The following LDB2 variants were observed in gnomAD, a reference collection of about 807,000 sequenced individuals.
LDB2 encodes the protein LIM domain binding 2.
Under a neutral mutation model 44.3 loss-of-function variants are expected in LDB2, and 12 were observed. That is an observed-to-expected ratio of 0.27 (90% CI 0.17 to 0.44). The LOEUF (loss-of-function observed/expected upper bound fraction) is 0.44. LDB2 is among the 20% of genes least tolerant of loss of function. LDB2 has a pLI of 1.00. For missense variants in LDB2, 344 were observed against 473.5 expected (o/e 0.73, Z 2.54); for synonymous variants, 164 against 174.8 (o/e 0.94, Z 0.49).
chr4:16,716,241 T>C lies in LDB2; in HGVS notation c.235+42917A>G, dbSNP rs534471479. On this transcript the variant is annotated intron_variant, in intron 2 of 7. Coordinates refer to ENST00000304523, the MANE Select transcript of LDB2 (RefSeq NM_001290.5). ...GCTCAGGCTGTCCTGCAACAATGCT[T>C]CTTGCTTCTCAGTATAGTGGGCCTT... Among the ~76,000 whole-genome samples, 3 of 152,308 alleles carry C rather than the reference T, an allele frequency of 2.0e-5. No homozygotes were observed. In the East Asian group the frequency reaches 5.8e-4, roughly 29 times the overall value.
At chr4:16,746,852 A>G (rs1272026269) in intron 2 of LDB2, among the ~76,000 whole-genome samples, 2 of 152,200 alleles carry the variant, frequency 1.3e-5, no homozygotes, top group Non-Finnish European at 2.9e-5. Flanking sequence ...ATGCATTCCT[A>G]ATTTCCGGGG....
At chr4:16,680,255 T>C (rs1747472385) in intron 2 of LDB2, among the ~76,000 whole-genome samples, 1 of 152,232 alleles carries the variant, frequency 6.6e-6, no homozygotes. Context: ...TGAAGAATAT[T>C]TTTCAGTTGT....
chr4:16,863,093 A>G (rs1287898364), intron 1 of LDB2, among the ~76,000 whole-genome samples: 3 of 152,218 alleles, frequency 2.0e-5, no homozygotes, highest in African/African-American at 7.2e-5. Context: ...TTGCTTTATT[A>G]GTTAAGTGAA....
At chr4:16,662,647 T>G (rs6854505) in intron 2 of LDB2, among the ~76,000 whole-genome samples, 4,761 of 152,134 alleles carry the variant, frequency 0.031, 97 homozygotes, top group Non-Finnish European at 0.045. Flanking sequence ...TTTTTTTTTT[T>G]GGGTGTGTGC....
rs377027889 is a variant in LDB2 at position 16,819,700 on chromosome 4, C to T, written c.133-60440G>A. ...AAACACAAGTGTGAGCAATATCATA[C>T]ATTGCTAAATTAACTCAGAGGATAC... On this transcript the variant is annotated intron_variant, in intron 1 of 7. Transcript: ENST00000304523. 9.9e-5 allele frequency among the ~76,000 whole-genome samples: 15 copies of T among 152,184 alleles called. No homozygotes were observed. The East Asian group carries it at 2.9e-3, about 29-fold the overall frequency.
chr4:16,826,582 C>T (rs995571534), intron 1 of LDB2: 2 of 152,182 alleles, frequency 1.3e-5, no homozygotes, highest in African/African-American at 2.4e-5. Flanking sequence ...CTTTCTGCCT[C>T]ACTCTGGTGA....
At chr4:16,771,870 G>A (rs892170782) in intron 1 of LDB2, among the ~76,000 whole-genome samples, 8 of 152,194 alleles carry the variant, frequency 5.3e-5, no homozygotes, top group African/African-American at 1.9e-4. Flanking sequence ...GAAGCCTGGA[G>A]GATCTTTTAA....
chr4:16,595,646 T>A, intron 3 of LDB2, 57 bp downstream of exon 3: 2 of 1,501,056 alleles, frequency 1.3e-6, no homozygotes, highest in South Asian at 2.5e-5. Flanking sequence ...ATAATTATTA[T>A]TCTTTAATGC....
chr4:16,565,981 T>TAC (rs891728829), intron 5 of LDB2, among the ~76,000 whole-genome samples: 1 of 151,668 alleles, frequency 6.6e-6, no homozygotes, highest in Non-Finnish European at 1.5e-5. Flanking sequence ...TACACACATA[T>TAC]ACACACACAC....
At chr4:16,809,882 G>GA (rs1318699186) in intron 1 of LDB2, among the ~76,000 whole-genome samples, 1 of 152,190 alleles carries the variant, frequency 6.6e-6, no homozygotes, top group African/African-American at 2.4e-5. Flanking sequence ...GGATTTATAA[G>GA]AAATCTACAG....
chr4:16,879,836 AC>A (rs1719529368), intron 1 of LDB2, among the ~76,000 whole-genome samples: 1 of 152,152 alleles, frequency 6.6e-6, no homozygotes, highest in African/African-American at 2.4e-5. Context: ...TACCCTAGAA[AC>A]AGGAAGCCAA....
intron 1 of LDB2, among the ~76,000 whole-genome samples, chr4:16,828,174 G>A (rs1190503494): frequency 6.6e-6 from 1 of 152,144 alleles, no homozygotes; most frequent in African/African-American, 2.4e-5. Context: ...CTGTTAGCAG[G>A]ATGTAAGTGG....
intron 2 of LDB2, among the ~76,000 whole-genome samples, chr4:16,631,185 T>C (rs1487367668): frequency 6.6e-6 from 1 of 152,080 alleles, no homozygotes; most frequent in African/African-American, 2.4e-5. Context: ...TAATTGGAAA[T>C]AAAACACTCC....
intron 1 of LDB2, among the ~76,000 whole-genome samples, chr4:16,769,516 G>A (rs1260876883): frequency 3.3e-5 from 5 of 151,360 alleles, no homozygotes; most frequent in East Asian, 1.9e-4. Context: ...GGCTTCTCTC[G>A]AACTCCTGAC....
At chr4:16,866,626 A>T (rs1328834606) in intron 1 of LDB2, among the ~76,000 whole-genome samples, 2 of 152,214 alleles carry the variant, frequency 1.3e-5, no homozygotes, top group African/African-American at 2.4e-5. Context: ...GCTTTTCCCA[A>T]TGCATTATGT....
At position 16,813,837 on chromosome 4, in the gene LDB2, G is replaced by C. The variant is rs545295551; in HGVS notation, c.133-54577C>G. On this transcript the variant is annotated intron_variant, in intron 1 of 7. Transcript: ENST00000304523. ...TCGTTTGGGCTTTGGCGGGTAAAGG[G>C]GCTACCCACAGGGATACTGATTTTC... Among the ~76,000 whole-genome samples, 41 of 151,982 alleles carry C rather than the reference G, an allele frequency of 2.7e-4. 1 individual carries two copies. The South Asian group carries it at 8.6e-3, about 32-fold the overall frequency.
intron 6 of LDB2, among the ~76,000 whole-genome samples, chr4:16,509,350 AAT>A (rs1386574651): frequency 6.6e-6 from 1 of 152,204 alleles, no homozygotes; most frequent in Non-Finnish European, 1.5e-5. Flanking sequence ...GCTAGAAAAA[AAT>A]ATGTCTGAGT....
intron 2 of LDB2, among the ~76,000 whole-genome samples, chr4:16,739,732 G>GTATATATGTATATATACATATATGTA (rs1762836790): frequency 7.1e-5 from 3 of 42,200 alleles, no homozygotes; most frequent in Admixed American, 2.6e-4. Context: ...ACATATATGT[G>GTATATATGTATATATACATATATGTA]TATATACATA....
intron 2 of LDB2, among the ~76,000 whole-genome samples, chr4:16,624,171 A>G (rs1043612683): frequency 6.6e-6 from 1 of 152,262 alleles, no homozygotes; most frequent in Non-Finnish European, 1.5e-5. Context: ...TGAGACGAAC[A>G]TTAATCTGCT....
Sources: allele counts gnomAD v4.1 joint callset (sites outside exome capture counted in the v4.1 genomes callset), GRCh38; gene constraint gnomAD v4.1.1; transcripts MANE v1.5; gene names NCBI Gene and HGNC (gene_info 2026-07-23, HGNC 2026-07-21).